The following MPRIP variants were observed in gnomAD, a reference collection of about 807,000 sequenced individuals.
The protein encoded by MPRIP is myosin phosphatase Rho interacting protein.
A neutral mutation model predicts 234.9 loss-of-function variants in MPRIP; 59 were observed. The observed-to-expected ratio is 0.25, with a 90% CI of 0.20 to 0.31. The LOEUF (loss-of-function observed/expected upper bound fraction) is 0.31, where lower values mean the gene tolerates loss of function less well. Among genes scored for constraint, MPRIP ranks in the 10% least tolerant of loss-of-function variants. The pLI is 1.00. For missense variants in MPRIP, 2,436 were observed against 3,071.0 expected (o/e 0.79, Z 4.89); for synonymous variants, 1,144 against 1,263.9 (o/e 0.91, Z 2.01).
chr17:17,099,046 G>A (rs2089907560), intron 3 of MPRIP, among the ~76,000 whole-genome samples: 1 of 152,290 alleles, frequency 6.6e-6, no homozygotes, highest in South Asian at 2.1e-4. Flanking sequence ...GAGGGAGGAG[G>A]GTGGGCTAGG....
intron 1 of MPRIP, among the ~76,000 whole-genome samples, chr17:17,071,057 C>G (rs570784277): frequency 6.6e-6 from 1 of 152,312 alleles, no homozygotes; most frequent in African/African-American, 2.4e-5. Flanking sequence ...TCTGGGCGCC[C>G]TCTGACACAC....
intron 3 of MPRIP, among the ~76,000 whole-genome samples, chr17:17,110,398 G>A (rs1040797302): frequency 6.6e-5 from 10 of 152,214 alleles, no homozygotes; most frequent in South Asian, 2.1e-4. Context: ...CCACAAGTCC[G>A]TATTGGCATA....
chr17:17,083,251 TGTCA>T (rs1340423703), intron 3 of MPRIP, among the ~76,000 whole-genome samples: 6 of 152,242 alleles, frequency 3.9e-5, no homozygotes, highest in Admixed American at 3.3e-4. Context: ...CCTGGGAGTT[TGTCA>T]GTCCCGTAAG....
At chr17:17,139,916 G>A (rs2090778225) in intron 7 of MPRIP, among the ~76,000 whole-genome samples, 2 of 152,154 alleles carry the variant, frequency 1.3e-5, no homozygotes, top group Non-Finnish European at 2.9e-5. Context: ...ATGAGGATCT[G>A]TTACTACCGC....
chr17:17,101,606 A>AAT (rs146378723), intron 3 of MPRIP, among the ~76,000 whole-genome samples: 3 of 151,738 alleles, frequency 2.0e-5, no homozygotes, highest in African/African-American at 4.8e-5. Flanking sequence ...CAACAAAAAA[A>AAT]ATATATATAT....
At chr17:17,147,170 G>C in intron 10 of MPRIP, 149 bp from the exon 11 acceptor site, 2 of 722,874 alleles carry the variant, frequency 2.8e-6, no homozygotes, top group South Asian at 1.6e-5. Context: ...AGAGTCCTCT[G>C]TATGCTGTCA....
intron 1 of MPRIP, among the ~76,000 whole-genome samples, chr17:17,052,207 C>G (rs536502993): frequency 1.3e-5 from 2 of 152,154 alleles, no homozygotes; most frequent in African/African-American, 4.8e-5. Flanking sequence ...CACCCTGGCT[C>G]CAGACTCCAC....
At chr17:17,172,642 C>G (rs1110505) in intron 17 of MPRIP, 56 bp from the exon 18 acceptor site, 138,463 of 1,427,322 alleles carry the variant, frequency 0.097, 10,331 homozygotes, top group East Asian at 0.32. Context: ...CACCCCCACC[C>G]CTGTCAGCAG....
At chr17:17,086,203 C>T (rs1488476225) in intron 3 of MPRIP, among the ~76,000 whole-genome samples, 2 of 152,144 alleles carry the variant, frequency 1.3e-5, no homozygotes, top group African/African-American at 2.4e-5. Context: ...CGGCTGGGTC[C>T]GGAGCACAGT....
intron 3 of MPRIP, among the ~76,000 whole-genome samples, chr17:17,117,906 C>T (rs990133004): frequency 1.3e-5 from 2 of 152,238 alleles, no homozygotes; most frequent in South Asian, 4.1e-4. Flanking sequence ...CTAGTGAGTG[C>T]AGAGCTAGGA....
Position 17,162,422 on chromosome 17 carries a change from A to G in MPRIP, c.2517+1066A>G, listed in dbSNP as rs75544396. The stretch of plus-strand genomic sequence containing the variant: ...AGGGGCACTCAGCTGGCCTCTGACC[A>G]TAGTCTGCCTCTTTGCAGACTCTCT... On this transcript the variant is annotated intron_variant, in intron 15 of 23. Transcript: ENST00000651222. Among the ~76,000 whole-genome samples, 1,015 of 152,338 alleles carry G rather than the reference A, an allele frequency of 6.7e-3. 6 individuals are homozygous for G. The highest frequency in any genetic ancestry group is 0.019 in the African/African-American group (803 of 41,574).
At chr17:17,142,831 C>T (rs77888743) in intron 8 of MPRIP, 66 bp downstream of exon 8, 167,101 of 1,555,068 alleles carry the variant, frequency 0.11, 9,928 homozygotes, top group Middle Eastern at 0.12. Context: ...GCACCCCATG[C>T]GCCAAGTCCC....
chr17:17,190,079 G>A lies in MPRIP; in HGVS notation c.*5185G>A, dbSNP rs1597548660. 1 of 152,264 alleles carries A rather than the reference G, an allele frequency of 6.6e-6. No individual in the cohort carries two copies. Among genetic ancestry groups the A allele is most frequent in the Non-Finnish European group, 1.5e-5 (1 of 68,058 alleles). 9.4% of individuals were successfully genotyped at this position (152,264 alleles called of 1,614,324 possible). Reference sequence around the variant, plus strand: ...AGCCCGCTCAGCGCGAGCGTCTCCAGTAGGTAATAGCAGCTGAACGTGGGT... The same window carrying A: ...AGCCCGCTCAGCGCGAGCGTCTCCAATAGGTAATAGCAGCTGAACGTGGGT... On this transcript the variant is annotated 3_prime_UTR_variant, in exon 24 of 24. Transcript: ENST00000651222.
chr17:17,165,931 TGGAGCAGGA>T lies in MPRIP; in HGVS notation c.4342_4350del (p.Glu1448_Glu1450del), dbSNP rs2045982560. 7.7e-7 allele frequency: 1 copy of T among 1,304,012 alleles called. No individual in the cohort carries two copies. The highest frequency in any genetic ancestry group is 2.3e-5 in the Admixed American group (1 of 43,536). The allele number at this position is 1,304,012 out of a possible 1,614,324, so 80.8% of individuals were successfully genotyped here. A position where few individuals can be genotyped will look rare whatever the true frequency, so the allele number is the denominator to read the frequency against. ...CAGGTTGGCGCACTGGCCTCCCAGC[TGGAGCAGGA>T]GAGGCAGGAGAGGGCCAGGAGGGTT... On this transcript the variant is annotated inframe_deletion, in exon 16 of 24. Coordinates refer to ENST00000651222, the MANE Select transcript of MPRIP (RefSeq NM_001364716.4).
At chr17:17,178,414 G>A (rs892796758) in intron 22 of MPRIP, 3 of 152,240 alleles carry the variant, frequency 2.0e-5, no homozygotes, top group African/African-American at 7.2e-5. Flanking sequence ...ACCTTGAGTA[G>A]TCAGGCTTGG....
In MPRIP at chr17:17,166,082, G is replaced by T; in HGVS notation, c.4491G>T (p.Glu1497Asp). 1 of 1,300,136 alleles carries T rather than the reference G, an allele frequency of 7.7e-7. No individual in the cohort carries two copies. The highest frequency in any genetic ancestry group is 1.0e-6 in the Non-Finnish European group (1 of 986,144). 80.5% of individuals were successfully genotyped at this position (1,300,136 alleles called of 1,614,324 possible). Residue 1497 changes from glutamate (E) to aspartate (D), a missense_variant, in exon 16 of 24, where the codon GAG becomes GAT. This residue lies in a region of MPRIP where 1,998 missense variants were observed against 2,520.3 expected (regional missense o/e 0.79). Transcript: ENST00000651222. This position sits in a 1 kb window ranked among gnomAD's most constrained non-coding sequence, Gnocchi z 4.4. The part of the protein sequence containing the change: ...RSLPRASQED[E>D]QDARAASLAS... ...TGCCTAGGGCCAGCCAGGAGGATGAGCAGGACGCACGCGCAGCCTCCCTGG... is the reference window on the plus strand; with the variant it reads ...TGCCTAGGGCCAGCCAGGAGGATGATCAGGACGCACGCGCAGCCTCCCTGG...
At chr17:17,164,071 C>T (rs117993900) in intron 15 of MPRIP, 38 bp from the exon 16 acceptor site, 4 of 1,282,154 alleles carry the variant, frequency 3.1e-6, no homozygotes, top group Non-Finnish European at 4.1e-6. Flanking sequence ...CTGGGAGGCC[C>T]GAGTGTTACT....
At chr17:17,090,925 A>G (rs2089700639) in intron 3 of MPRIP, among the ~76,000 whole-genome samples, 2 of 151,022 alleles carry the variant, frequency 1.3e-5, no homozygotes, top group Non-Finnish European at 3.0e-5. Flanking sequence ...GATCTCGGCT[A>G]TGCCAGGATA....
intron 1 of MPRIP, 39 bp downstream of exon 1, chr17:17,043,010 G>T (rs772275558): frequency 5.0e-6 from 8 of 1,594,972 alleles, no homozygotes. Flanking sequence ...TCCGTTCTGG[G>T]AGCCGCGGGT....
Sources: allele counts gnomAD v4.1 joint callset (sites outside exome capture counted in the v4.1 genomes callset), GRCh38; gene constraint gnomAD v4.1.1; regional missense constraint gnomAD v4.1.1; non-coding constraint Gnocchi (gnomAD v3.1); transcripts MANE v1.5; gene names NCBI Gene and HGNC (gene_info 2026-07-23, HGNC 2026-07-21).